Variants in SLCO1A2 observed in about 807,000 individuals in gnomAD.
The protein encoded by SLCO1A2 is OATP-1.
SLCO1A2 carries 67 observed loss-of-function variants against 69.0 expected under a neutral mutation model. The observed-to-expected ratio is 0.97, with a 90% CI of 0.80 to 1.19. SLCO1A2 has a LOEUF of 1.19. SLCO1A2 is among the 50% of genes most tolerant of loss of function. The pLI, the probability that SLCO1A2 is intolerant of heterozygous loss-of-function variation, is 0.00. For synonymous variants in SLCO1A2, 260 were observed against 265.9 expected, an observed-to-expected ratio of 0.98 and a Z score of 0.22; for missense variants, 787 against 793.7, an observed-to-expected ratio of 0.99 and a Z score of 0.10.
chr12:21,372,013 GA>G (rs1234897824), intron 2 of SLCO1A2, among the ~76,000 whole-genome samples: 3 of 140,982 alleles, frequency 2.1e-5, no homozygotes, highest in African/African-American at 8.7e-5. Context: ...CAAAAAAAAA[GA>G]AAAAAAAAGA....
rs1942762730 is a variant in SLCO1A2, at chr12:21,271,183, C to G, written c.1794-1416G>C. Among the ~76,000 whole-genome samples, 4 of 151,732 alleles carry G rather than the reference C, an allele frequency of 2.6e-5. No individual in the cohort carries two copies. In the South Asian group the frequency reaches 8.3e-4, roughly 31 times the overall value. Reference sequence around the variant, plus strand: ...ATCACATTTTGAGGAACACTAAATCCTGTAAAAGGTGTTTTACCTCATTAA... The same window carrying G: ...ATCACATTTTGAGGAACACTAAATCGTGTAAAAGGTGTTTTACCTCATTAA... On this transcript the variant is annotated intron_variant, in intron 14 of 14. Transcript: ENST00000683939.
chr12:21,392,234 TCTA>T (rs903975959), intron 1 of SLCO1A2, among the ~76,000 whole-genome samples: 4 of 152,156 alleles, frequency 2.6e-5, no homozygotes, highest in African/African-American at 9.7e-5. Flanking sequence ...TTAGCCTCTT[TCTA>T]CTAAACTCTC....
intron 2 of SLCO1A2, among the ~76,000 whole-genome samples, chr12:21,334,143 A>G (rs1952779927): frequency 6.6e-6 from 1 of 152,102 alleles, no homozygotes; most frequent in Non-Finnish European, 1.5e-5. Flanking sequence ...ACAGGAAATT[A>G]TTGTTATGTT....
chr12:21,272,900 A>G (rs893166421), intron 14 of SLCO1A2, among the ~76,000 whole-genome samples: 2 of 152,208 alleles, frequency 1.3e-5, no homozygotes. Context: ...AAAGGTAATC[A>G]GAAGTTTGTT....
intron 1 of SLCO1A2, among the ~76,000 whole-genome samples, chr12:21,389,076 AG>A (rs1941029417): frequency 2.0e-5 from 3 of 152,336 alleles, no homozygotes; most frequent in Admixed American, 6.5e-5. Context: ...AATATTTGCG[AG>A]CTTAGGAGCT....
chr12:21,341,796 G>A (rs1279962479), intron 2 of SLCO1A2, among the ~76,000 whole-genome samples: 1 of 151,980 alleles, frequency 6.6e-6, no homozygotes, highest in African/African-American at 2.4e-5. Context: ...ATCATATAAA[G>A]GAAACAGTTT....
exon 1 of SLCO1A2, chr12:21,394,963 G>C (rs1328090149): frequency 6.6e-6 from 1 of 152,274 alleles, no homozygotes; most frequent in African/African-American, 2.4e-5. Flanking sequence ...AGCACCGTAA[G>C]TGTGCTGTGA....
chr12:21,320,743 C>T (rs1418815806), intron 2 of SLCO1A2, among the ~76,000 whole-genome samples: 1 of 152,134 alleles, frequency 6.6e-6, no homozygotes, highest in African/African-American at 2.4e-5. Flanking sequence ...AGGTGATCCG[C>T]CCACCTTGGC....
intron 9 of SLCO1A2, among the ~76,000 whole-genome samples, chr12:21,296,375 G>GTTA (rs1221667989): frequency 9.2e-5 from 14 of 152,056 alleles, no homozygotes; most frequent in Admixed American, 2.0e-4. Context: ...TAAGTAGCTG[G>GTTA]GACTACAGGT....
chr12:21,319,570 G>T (rs1427549393), intron 2 of SLCO1A2: 2 of 881,510 alleles, frequency 2.3e-6, no homozygotes, highest in East Asian at 5.5e-5. Context: ...GTATTTTCAG[G>T]GTTTCTCAGC....
intron 2 of SLCO1A2, among the ~76,000 whole-genome samples, chr12:21,322,488 A>G (rs12581287): frequency 0.075 from 11,383 of 152,248 alleles, 725 homozygotes; most frequent in East Asian, 0.35. Context: ...GGGGGTTCCC[A>G]GTCATAGGTA....
chr12:21,280,699 A>C (rs11535999), intron 12 of SLCO1A2, among the ~76,000 whole-genome samples: 52,791 of 145,422 alleles, frequency 0.36, 10,490 homozygotes, highest in African/African-American at 0.52. Flanking sequence ...ATAAATAAAT[A>C]AACAAAGAAA....
intron 1 of SLCO1A2, chr12:21,379,288 A>G (rs1940433586): frequency 6.6e-6 from 1 of 152,230 alleles, no homozygotes. Flanking sequence ...GAGGCTATTT[A>G]AAAGTATAAA....
At chr12:21,302,380 T>C (rs895946037) in intron 6 of SLCO1A2, among the ~76,000 whole-genome samples, 2 of 152,214 alleles carry the variant, frequency 1.3e-5, no homozygotes, top group African/African-American at 4.8e-5. Flanking sequence ...CATTAAACTA[T>C]ACATGTATTG....
intron 9 of SLCO1A2, among the ~76,000 whole-genome samples, chr12:21,296,768 A>C (rs886343676): frequency 1.3e-5 from 2 of 152,188 alleles, no homozygotes; most frequent in Non-Finnish European, 2.9e-5. Context: ...CCAGAGCCCC[A>C]CGCCCTAGAG....
rs553401031 is a variant in SLCO1A2 at position 21,360,677 on chromosome 12, C to A, written c.-63+13722G>T. On this transcript the variant is annotated intron_variant, in intron 2 of 15. Coordinates refer to the SLCO1A2 transcript ENST00000307378. ...ACAGACAGCACCTGGAAAATCGGGA[C>A]ACTCCCACCCTAATACTGCTCTTTT... Among the ~76,000 whole-genome samples, 8 of 152,308 alleles carry A rather than the reference C, an allele frequency of 5.3e-5. No homozygotes were observed. The East Asian group carries it at 1.5e-3, about 29-fold the overall frequency.
chr12:21,301,189 T>G lies in SLCO1A2; in HGVS notation c.670A>C (p.Thr224Pro). 1 of 1,611,368 alleles carries G rather than the reference T, an allele frequency of 6.2e-7. No homozygotes were observed. The highest frequency in any genetic ancestry group is 8.5e-7 in the Non-Finnish European group (1 of 1,178,296). Residue 224 changes from threonine (T) to proline (P), a missense_variant, in exon 7 of 15, where the codon ACT becomes CCT. By Grantham distance (38) the Thr-to-Pro change is conservative. Transcript: ENST00000683939. The stretch of plus-strand genomic sequence containing the variant: ...GAATTACCTGTGTTCACAAATCCAG[T>G]GTCAACATAAACATTTGCACAGAAT... Reference protein sequence around the residue: ...ASFCANVYVDTGFVNTDDLII... With the variant: ...ASFCANVYVDPGFVNTDDLII...
intron 8 of SLCO1A2, among the ~76,000 whole-genome samples, chr12:21,299,603 G>T (rs574599516): frequency 6.7e-6 from 1 of 149,624 alleles, no homozygotes; most frequent in Non-Finnish European, 1.5e-5. Context: ...GAAGCTCTTC[G>T]TTAAACTAAC....
chr12:21,357,462 C>T (rs1488318789), intron 2 of SLCO1A2, among the ~76,000 whole-genome samples: 2 of 152,292 alleles, frequency 1.3e-5, no homozygotes, highest in East Asian at 3.9e-4. Flanking sequence ...CTTCTTGCCT[C>T]CAGAACTGTG....
Sources: gnomAD v4.1 joint callset for allele counts (sites outside exome capture counted in the v4.1 genomes callset) on GRCh38, gnomAD v4.1.1 for gene constraint, MANE v1.5 for transcripts, NCBI Gene and HGNC (gene_info 2026-07-23, HGNC 2026-07-21) for gene names.